NKAIN2: variants seen among roughly 807,000 people sequenced by gnomAD.
The protein encoded by NKAIN2 is sodium/potassium transporting ATPase interacting 2, also known as sodium/potassium-transporting ATPase subunit beta-1-interacting protein 2.
Under a neutral mutation model 32.6 loss-of-function variants are expected in NKAIN2, and 14 were observed. The observed-to-expected ratio is 0.43, with a 90% CI of 0.28 to 0.67. The LOEUF (loss-of-function observed/expected upper bound fraction) is 0.67. Ranked by LOEUF, NKAIN2 falls within the 30% of genes least tolerant of loss-of-function variation. The pLI is 0.17. For synonymous variants in NKAIN2, 80 were observed against 87.2 expected, an observed-to-expected ratio of 0.92 and a Z score of 0.46; for missense variants, 198 against 258.3, an observed-to-expected ratio of 0.77 and a Z score of 1.60.
intron 1 of NKAIN2, among the ~76,000 whole-genome samples, chr6:124,189,208 A>G (rs916279986): frequency 8.5e-5 from 13 of 152,166 alleles, no homozygotes; most frequent in African/African-American, 2.9e-4. Context: ...AATATAATAA[A>G]CCACTAATAC....
At chr6:123,959,729 G>T (rs915614037) in intron 1 of NKAIN2, among the ~76,000 whole-genome samples, 2 of 151,804 alleles carry the variant, frequency 1.3e-5, no homozygotes, top group African/African-American at 4.8e-5. Context: ...ACAGTGGCTA[G>T]GGAAGTTAGA....
chr6:124,658,497 T>A (rs751047783), intron 4 of NKAIN2, 111 bp downstream of exon 4: 2 of 1,543,240 alleles, frequency 1.3e-6, no homozygotes, highest in Non-Finnish European at 1.7e-6. Flanking sequence ...CCTTTTTGCT[T>A]TTTCCTCATT....
At chr6:124,455,481 C>T (rs1214457204) in intron 3 of NKAIN2, among the ~76,000 whole-genome samples, 5 of 151,954 alleles carry the variant, frequency 3.3e-5, no homozygotes, top group Admixed American at 2.0e-4. Flanking sequence ...ATAGTTTATA[C>T]TTCAGAGAAG....
chr6:124,699,402 G>A (rs1453462461), intron 4 of NKAIN2, among the ~76,000 whole-genome samples: 1 of 152,138 alleles, frequency 6.6e-6, no homozygotes, highest in Non-Finnish European at 1.5e-5. Context: ...AGGCTGCAAG[G>A]CCTTTATGAA....
chr6:123,884,535 C>T (rs185293821), intron 1 of NKAIN2, among the ~76,000 whole-genome samples: 2 of 152,140 alleles, frequency 1.3e-5, no homozygotes, highest in African/African-American at 4.8e-5. Flanking sequence ...TCTAATTACC[C>T]CTAACACCAT....
intron 4 of NKAIN2, among the ~76,000 whole-genome samples, chr6:124,700,342 T>C (rs1338387427): frequency 6.6e-6 from 1 of 152,190 alleles, no homozygotes; most frequent in Non-Finnish European, 1.5e-5. Flanking sequence ...TTAGTATTAC[T>C]TCTGTTCGCT....
At chr6:123,999,525 T>A (rs2114708714) in intron 1 of NKAIN2, among the ~76,000 whole-genome samples, 1 of 152,298 alleles carries the variant, frequency 6.6e-6, no homozygotes, top group African/African-American at 2.4e-5. Flanking sequence ...AAAATATGCA[T>A]TATATTTATT....
intron 1 of NKAIN2, among the ~76,000 whole-genome samples, chr6:124,188,445 C>A (rs1789855051): frequency 6.6e-6 from 1 of 152,156 alleles, no homozygotes; most frequent in African/African-American, 2.4e-5. Context: ...GTAAAATAAT[C>A]TCTTTTACTC....
At chr6:124,768,737 A>G (rs1778622051) in intron 4 of NKAIN2, among the ~76,000 whole-genome samples, 1 of 152,160 alleles carries the variant, frequency 6.6e-6, no homozygotes, top group Non-Finnish European at 1.5e-5. Flanking sequence ...TGGGGGAAAA[A>G]AAAACAAAAC....
At chr6:124,252,555 A>C (rs1793734403) in intron 1 of NKAIN2, among the ~76,000 whole-genome samples, 1 of 152,144 alleles carries the variant, frequency 6.6e-6, no homozygotes, top group Non-Finnish European at 1.5e-5. Flanking sequence ...TCATTCTTTA[A>C]AAATATATGT....
At chr6:123,862,778 A>G (rs1775835288) in intron 1 of NKAIN2, among the ~76,000 whole-genome samples, 1 of 151,724 alleles carries the variant, frequency 6.6e-6, no homozygotes, top group Non-Finnish European at 1.5e-5. Context: ...TTTACACTGG[A>G]CTCTCAGAGC....
chr6:124,443,261 T>G (rs1417237122), intron 3 of NKAIN2, among the ~76,000 whole-genome samples: 1 of 152,116 alleles, frequency 6.6e-6, no homozygotes, highest in Non-Finnish European at 1.5e-5. Context: ...CTCTTCTGTT[T>G]CAATTAGCGG....
intron 3 of NKAIN2, among the ~76,000 whole-genome samples, chr6:124,591,504 G>A (rs926306571): frequency 6.6e-6 from 1 of 151,960 alleles, no homozygotes; most frequent in African/African-American, 2.4e-5. Flanking sequence ...CCCTCCCTTT[G>A]CTTCCAATGC....
At chr6:124,750,642 C>T (rs562691221) in intron 4 of NKAIN2, among the ~76,000 whole-genome samples, 1 of 151,996 alleles carries the variant, frequency 6.6e-6, no homozygotes, top group African/African-American at 2.4e-5. Context: ...ATCATTCTGG[C>T]TGTGTTGTTT....
At chr6:124,128,766 A>G (rs945972054) in intron 1 of NKAIN2, among the ~76,000 whole-genome samples, 1 of 152,094 alleles carries the variant, frequency 6.6e-6, no homozygotes, top group African/African-American at 2.4e-5. Flanking sequence ...TACTATGTTC[A>G]TTTATCTATA....
chr6:124,766,383 G>A (rs920511479), intron 4 of NKAIN2, among the ~76,000 whole-genome samples: 2 of 152,168 alleles, frequency 1.3e-5, no homozygotes, highest in Admixed American at 6.5e-5. Context: ...CTCAGGGTGT[G>A]GCGCTCAGAC....
intron 1 of NKAIN2, among the ~76,000 whole-genome samples, chr6:123,850,905 T>A: frequency 6.6e-6 from 1 of 152,296 alleles, no homozygotes; most frequent in East Asian, 1.9e-4. Flanking sequence ...TTCTATTAGT[T>A]CAACTTTTTA....
intron 4 of NKAIN2, among the ~76,000 whole-genome samples, chr6:124,789,801 A>T (rs1249511131): frequency 6.6e-6 from 1 of 152,154 alleles, no homozygotes; most frequent in Non-Finnish European, 1.5e-5. Context: ...CAATAGTTAC[A>T]TATAATTCAG....
At chr6:124,369,396 C>T (rs941080691) in intron 3 of NKAIN2, among the ~76,000 whole-genome samples, 5 of 152,122 alleles carry the variant, frequency 3.3e-5, no homozygotes, top group East Asian at 1.9e-4. Flanking sequence ...AATTGGTCCA[C>T]ATAAGAATTA....
Sources: allele counts gnomAD v4.1 joint callset (sites outside exome capture counted in the v4.1 genomes callset), GRCh38; gene constraint gnomAD v4.1.1; transcripts MANE v1.5; gene names NCBI Gene and HGNC (gene_info 2026-07-23, HGNC 2026-07-21).